Variants in LRRC7 observed in about 807,000 individuals in gnomAD.
The protein encoded by LRRC7 is leucine rich repeat containing 7, also known as leucine-rich repeat-containing protein 7.
Under a neutral mutation model 175.7 loss-of-function variants are expected in LRRC7, and 23 were observed. The observed-to-expected ratio is 0.13, with a 90% CI of 0.09 to 0.19. The LOEUF (loss-of-function observed/expected upper bound fraction) is 0.19, where lower values mean the gene tolerates loss of function less well. LRRC7 is among the 10% of genes least tolerant of loss of function. The probability of loss-of-function intolerance (pLI) is 1.00; values close to 1 mark genes in which losing one functional copy is unlikely to be tolerated. For missense variants in LRRC7, 1,354 were observed against 1,904.7 expected, an observed-to-expected ratio of 0.71 and a Z score of 5.38; for synonymous variants, 685 against 680.9, an observed-to-expected ratio of 1.01 and a Z score of -0.09.
intron 25 of LRRC7, among the ~76,000 whole-genome samples, chr1:70,106,253 G>T (rs1029213365): frequency 2.0e-5 from 3 of 152,028 alleles, no homozygotes; most frequent in Non-Finnish European, 4.4e-5. Context: ...TCTAATTTCA[G>T]AACATTTTTA....
intron 1 of LRRC7, among the ~76,000 whole-genome samples, chr1:69,639,197 G>A (rs1237142830): frequency 6.6e-6 from 1 of 151,704 alleles, no homozygotes; most frequent in Non-Finnish European, 1.5e-5. Flanking sequence ...TAACCAATGG[G>A]CTTTTGTGTC....
chr1:69,678,360 T>C (rs745664371), intron 1 of LRRC7, 21 bp from the exon 2 acceptor site: 4 of 1,486,944 alleles, frequency 2.7e-6, no homozygotes, highest in East Asian at 2.4e-5. Context: ...ATGAAAATAC[T>C]CTTCTGATTC....
At chr1:70,117,253 AGAG>A (rs1665924423) in intron 26 of LRRC7, among the ~76,000 whole-genome samples, 1 of 152,200 alleles carries the variant, frequency 6.6e-6, no homozygotes, top group Non-Finnish European at 1.5e-5. Context: ...TTTTAAGCTT[AGAG>A]CTTTGGATAA....
At chr1:69,644,319 G>A (rs745713551) in intron 1 of LRRC7, among the ~76,000 whole-genome samples, 34 of 151,606 alleles carry the variant, frequency 2.2e-4, no homozygotes, top group African/African-American at 7.0e-4. Flanking sequence ...TTTTTGCTTC[G>A]TACATTTAGA....
Position 69,839,027 on chromosome 1 carries a change from T to C in LRRC7, c.647+744T>C, listed in dbSNP as rs139823772. ...TATGATGAAAATATTTAAAGTACTATGTTGCTATTATCACCCTTCTGCAGT... is the reference window on the plus strand; with the variant it reads ...TATGATGAAAATATTTAAAGTACTACGTTGCTATTATCACCCTTCTGCAGT... On this transcript the variant is annotated intron_variant, in intron 7 of 26. Transcript: ENST00000651989. 1.8e-3 allele frequency: 547 copies of C among 297,418 alleles called. 1 individual carries two copies. The highest frequency in any genetic ancestry group is 0.011 in the African/African-American group (487 of 44,768). 18.4% of individuals were successfully genotyped at this position (297,418 alleles called of 1,614,324 possible).
intron 1 of LRRC7, among the ~76,000 whole-genome samples, chr1:69,620,764 G>A (rs1282066890): frequency 1.3e-5 from 2 of 152,158 alleles, no homozygotes; most frequent in Non-Finnish European, 2.9e-5. Context: ...TCTACTGGAT[G>A]TTTGCCTGTC....
chr1:69,866,273 A>G (rs2101557825), intron 7 of LRRC7, among the ~76,000 whole-genome samples: 1 of 152,310 alleles, frequency 6.6e-6, no homozygotes, highest in Non-Finnish European at 1.5e-5. Flanking sequence ...ATCTCCACTA[A>G]GGCTAAGAGC....
chr1:69,991,925 T>C (rs1056086404), intron 10 of LRRC7, among the ~76,000 whole-genome samples: 4 of 152,212 alleles, frequency 2.6e-5, no homozygotes, highest in Non-Finnish European at 5.9e-5. Flanking sequence ...TCAGCTTCTT[T>C]GGATAGCAGA....
intron 7 of LRRC7, among the ~76,000 whole-genome samples, chr1:69,923,850 T>A (rs1646971026): frequency 6.6e-6 from 1 of 152,084 alleles, no homozygotes; most frequent in Non-Finnish European, 1.5e-5. Context: ...CCATTGCTTT[T>A]GGTGTTTTAG....
intron 22 of LRRC7, among the ~76,000 whole-genome samples, chr1:70,051,778 G>A (rs1660764604): frequency 6.6e-6 from 1 of 151,674 alleles, no homozygotes; most frequent in Admixed American, 6.6e-5. Flanking sequence ...TTCATCTAGT[G>A]TCATATTAAA....
At chr1:69,603,951 C>G (rs1015016291) in intron 1 of LRRC7, among the ~76,000 whole-genome samples, 1 of 151,534 alleles carries the variant, frequency 6.6e-6, no homozygotes, top group Non-Finnish European at 1.5e-5. Context: ...TTTTTCATTC[C>G]CAAAAAATTT....
chr1:70,101,300 T>C (rs1664790275), intron 25 of LRRC7, among the ~76,000 whole-genome samples: 1 of 152,222 alleles, frequency 6.6e-6, no homozygotes, highest in Admixed American at 6.5e-5. Flanking sequence ...TGTAATTGTA[T>C]ATAATTTTTA....
At chr1:69,684,230 T>C (rs1165376967) in intron 2 of LRRC7, among the ~76,000 whole-genome samples, 1 of 152,132 alleles carries the variant, frequency 6.6e-6, no homozygotes, top group Non-Finnish European at 1.5e-5. Context: ...TAATAACACA[T>C]GACATATTGC....
chr1:69,603,726 T>G (rs188426574), intron 1 of LRRC7, among the ~76,000 whole-genome samples: 69 of 152,286 alleles, frequency 4.5e-4, no homozygotes, highest in African/African-American at 1.7e-3. Flanking sequence ...ACACAGTAGC[T>G]GAAAAATAAT....
intron 25 of LRRC7, among the ~76,000 whole-genome samples, chr1:70,096,233 T>A (rs1002208449): frequency 6.6e-6 from 1 of 152,262 alleles, no homozygotes; most frequent in African/African-American, 2.4e-5. Flanking sequence ...TGCCGCGGCC[T>A]CCCAAAGTGC....
chr1:70,109,080 G>A (rs943044245), intron 26 of LRRC7, among the ~76,000 whole-genome samples: 8 of 152,092 alleles, frequency 5.3e-5, no homozygotes, highest in Non-Finnish European at 1.2e-4. Context: ...GGAGTGCAAT[G>A]GCACGATCTC....
chr1:70,084,280 C>T (rs368921687), intron 24 of LRRC7, among the ~76,000 whole-genome samples: 1 of 152,056 alleles, frequency 6.6e-6, no homozygotes, highest in Admixed American at 6.6e-5. Flanking sequence ...ACATTTTCAT[C>T]GTTCAAAAAA....
At chr1:70,096,954 C>G (rs1664449141) in intron 25 of LRRC7, among the ~76,000 whole-genome samples, 1 of 152,192 alleles carries the variant, frequency 6.6e-6, no homozygotes, top group African/African-American at 2.4e-5. Context: ...CACAGGCAGT[C>G]TCAATGCTTT....
intron 7 of LRRC7, among the ~76,000 whole-genome samples, chr1:69,898,595 C>T (rs1408286237): frequency 1.3e-5 from 2 of 152,120 alleles, no homozygotes; most frequent in Non-Finnish European, 2.9e-5. Flanking sequence ...TGCACTGGTA[C>T]TCTGCCAGCG....
Sources: allele counts gnomAD v4.1 joint callset (sites outside exome capture counted in the v4.1 genomes callset), GRCh38; gene constraint gnomAD v4.1.1; transcripts MANE v1.5; gene names NCBI Gene and HGNC (gene_info 2026-07-23, HGNC 2026-07-21).